DLGAP3: variants seen among roughly 807,000 people sequenced by gnomAD.
DLGAP3 encodes disks large-associated protein 3.
Under a neutral mutation model 81.2 loss-of-function variants are expected in DLGAP3, and 17 were observed. That is an observed-to-expected ratio of 0.21 (90% CI 0.14 to 0.31). The LOEUF (loss-of-function observed/expected upper bound fraction) is 0.31. DLGAP3 is among the 10% of genes least tolerant of loss of function. The pLI, the probability that DLGAP3 is intolerant of heterozygous loss-of-function variation, is 1.00. For synonymous variants in DLGAP3, 577 were observed against 587.4 expected, an observed-to-expected ratio of 0.98 and a Z score of 0.26; for missense variants, 1,124 against 1,388.0, an observed-to-expected ratio of 0.81 and a Z score of 3.02.
intron 8 of DLGAP3, among the ~76,000 whole-genome samples, chr1:34,876,594 T>C (rs778927935): frequency 6.6e-6 from 1 of 152,154 alleles, no homozygotes; most frequent in Non-Finnish European, 1.5e-5. Context: ...CAGAAAGGAC[T>C]GTGCAGGTGT....
At chr1:34,879,191 T>C (rs1639105771) in intron 8 of DLGAP3, among the ~76,000 whole-genome samples, 2 of 152,246 alleles carry the variant, frequency 1.3e-5, no homozygotes, top group Non-Finnish European at 2.9e-5. Flanking sequence ...TATTATTACA[T>C]TGTAATATAT....
chr1:34,890,585 G>A (rs1639296360), intron 5 of DLGAP3, among the ~76,000 whole-genome samples: 1 of 152,194 alleles, frequency 6.6e-6, no homozygotes, highest in Admixed American at 6.5e-5. Flanking sequence ...TTTGCTCTGG[G>A]GGAGGCAAGC....
In DLGAP3 at chr1:34,902,341, C is replaced by T. The variant is rs560337076; in HGVS notation, c.1107+1936G>A. Reference sequence around the variant, plus strand: ...ACCCACGGGCAGGAGCAGGGCTCTTCAAGGGGCTAGGGCTCATTTGGATGA... The same window carrying T: ...ACCCACGGGCAGGAGCAGGGCTCTTTAAGGGGCTAGGGCTCATTTGGATGA... On this transcript the variant is annotated intron_variant, in intron 3 of 11. Coordinates refer to ENST00000373347, the MANE Select transcript of DLGAP3 (RefSeq NM_001080418.3). This position sits in a 1 kb window ranked among gnomAD's most constrained non-coding sequence, Gnocchi z 4.4. 4.5e-4 allele frequency among the ~76,000 whole-genome samples: 68 copies of T among 152,170 alleles called. 2 individuals carry two copies. In the South Asian group the frequency reaches 0.014, roughly 32 times the overall value.
rs369393736 is a variant in DLGAP3, at chr1:34,908,031, C to T, written c.-134-594G>A. 9.8e-5 allele frequency among the ~76,000 whole-genome samples: 15 copies of T among 152,334 alleles called. No homozygotes were observed. The East Asian group carries it at 2.3e-3, about 23-fold the overall frequency. On this transcript the variant is annotated intron_variant, in intron 1 of 11. Coordinates refer to ENST00000373347, the MANE Select transcript of DLGAP3 (RefSeq NM_001080418.3). ...TCTTATTCTAGGTTATGCTCTTTAT[C>T]GGGCTTTTATAACACCCTGGGTGTC... is the stretch of plus-strand genomic sequence containing the variant.
intron 8 of DLGAP3, among the ~76,000 whole-genome samples, chr1:34,881,623 A>C (rs1639146178): frequency 6.6e-6 from 1 of 152,072 alleles, no homozygotes; most frequent in African/African-American, 2.4e-5. Context: ...AGTGAGAGAA[A>C]AATACACTTG....
At chr1:34,898,868 C>A (rs887685002) in intron 5 of DLGAP3, among the ~76,000 whole-genome samples, 5 of 152,160 alleles carry the variant, frequency 3.3e-5, no homozygotes, top group Non-Finnish European at 7.3e-5. Context: ...GGCCAAGTAC[C>A]TTGTGTTTGC....
chr1:34,885,822 G>A (rs938130502), intron 6 of DLGAP3, 31 bp from the exon 7 acceptor site: 3 of 1,392,098 alleles, frequency 2.2e-6, no homozygotes, highest in Non-Finnish European at 2.8e-6. Flanking sequence ...GACGCAGTGG[G>A]TGAGGCTCGC....
Position 34,906,516 on chromosome 1 carries a change from A to G in DLGAP3, c.-52+839T>C, listed in dbSNP as rs551283044. Among the ~76,000 whole-genome samples, 3 of 152,256 alleles carry G rather than the reference A, an allele frequency of 2.0e-5. No individual in the cohort carries two copies. The East Asian group carries it at 5.8e-4, about 29-fold the overall frequency. ...TCATTCTCCCTCCCCTGTGGACTGA[A>G]ATAAGGAGAATCTGAGATGACTCTT... On this transcript the variant is annotated intron_variant, in intron 2 of 11. Coordinates refer to ENST00000373347, the MANE Select transcript of DLGAP3 (RefSeq NM_001080418.3).
At chr1:34,877,797 T>A (rs867123548) in intron 8 of DLGAP3, among the ~76,000 whole-genome samples, 5 of 152,316 alleles carry the variant, frequency 3.3e-5, no homozygotes, top group Admixed American at 1.3e-4. Context: ...ACTACTAAAA[T>A]GTAAACTTCC....
chr1:34,921,306 G>A (rs186671193), intron 1 of DLGAP3, among the ~76,000 whole-genome samples: 1 of 152,298 alleles, frequency 6.6e-6, no homozygotes, highest in Admixed American at 6.5e-5. Context: ...GGCTGGCAAG[G>A]GTGGAAGTGG....
chr1:34,870,537 C>T (rs1009944173), intron 8 of DLGAP3, among the ~76,000 whole-genome samples: 4 of 152,184 alleles, frequency 2.6e-5, no homozygotes, highest in African/African-American at 9.7e-5. Context: ...CTCCAGCTGG[C>T]AGGCTGCCTG....
Position 34,899,088 on chromosome 1 carries a change from T to C in DLGAP3, c.1386+581A>G, listed in dbSNP as rs11577511. 9.8e-3 allele frequency among the ~76,000 whole-genome samples: 159 copies of C among 16,182 alleles called. 9 individuals carry two copies. The East Asian group carries it at 0.18, about 19-fold the overall frequency. The allele number at this position is 16,182 out of a possible 152,430, so 10.6% of individuals were successfully genotyped here. The stretch of plus-strand genomic sequence containing the variant: ...CCCTGTCTGTACAAATCAATTCTAC[T>C]TTTTTTTTTTTTTTTTTTTAAGACA... On this transcript the variant is annotated intron_variant, in intron 5 of 11. Coordinates refer to ENST00000373347, the MANE Select transcript of DLGAP3 (RefSeq NM_001080418.3).
At chr1:34,871,103 A>C (rs1235491658) in intron 8 of DLGAP3, among the ~76,000 whole-genome samples, 1 of 152,170 alleles carries the variant, frequency 6.6e-6, no homozygotes, top group Non-Finnish European at 1.5e-5. Flanking sequence ...AGACTGGAAT[A>C]GTCTTCCTAA....
At chr1:34,871,074 G>T (rs1299664134) in intron 8 of DLGAP3, among the ~76,000 whole-genome samples, 2 of 152,030 alleles carry the variant, frequency 1.3e-5, no homozygotes, top group African/African-American at 4.8e-5. Context: ...AAGATCTGGG[G>T]CCCTCCCCAG....
chr1:34,901,671 G>A (rs1193990456), intron 3 of DLGAP3, among the ~76,000 whole-genome samples: 1 of 152,190 alleles, frequency 6.6e-6, no homozygotes, highest in Non-Finnish European at 1.5e-5. Context: ...GCACTGAAAA[G>A]TAGCTTTTGA....
chr1:34,908,309 G>T (rs1172079024), intron 1 of DLGAP3, among the ~76,000 whole-genome samples: 1 of 152,246 alleles, frequency 6.6e-6, no homozygotes. Context: ...TTCAATAGAG[G>T]TCAATCAAGG....
rs115683800 is a variant in DLGAP3 at position 34,918,893 on chromosome 1, G to A, written c.-135+10558C>T. Among the ~76,000 whole-genome samples the A allele has an allele frequency of 5.1e-3, 775 of 152,284 alleles. 6 individuals are homozygous for A. The highest frequency in any genetic ancestry group is 0.018 in the African/African-American group (735 of 41,572). On this transcript the variant is annotated intron_variant, in intron 1 of 11. Coordinates refer to ENST00000373347, the MANE Select transcript of DLGAP3 (RefSeq NM_001080418.3). ...ATCTGGGGTGAAAGGAGCTAGGGCCGGGGCCAAGCTAGAGGGGTGGGGGCT... is the reference window on the plus strand; with the variant it reads ...ATCTGGGGTGAAAGGAGCTAGGGCCAGGGCCAAGCTAGAGGGGTGGGGGCT...
chr1:34,928,747 ACAGT>A (rs1639911206), intron 1 of DLGAP3, among the ~76,000 whole-genome samples: 1 of 151,748 alleles, frequency 6.6e-6, no homozygotes, highest in Admixed American at 6.6e-5. Flanking sequence ...ACACACACAC[ACAGT>A]CACACAGGGC....
chr1:34,910,953 G>T (rs1639629752), intron 1 of DLGAP3, among the ~76,000 whole-genome samples: 1 of 151,556 alleles, frequency 6.6e-6, no homozygotes, highest in East Asian at 1.9e-4. Context: ...AGTCTACAAA[G>T]AACAAGATGC....
Sources: gnomAD v4.1 joint callset for allele counts (sites outside exome capture counted in the v4.1 genomes callset) on GRCh38, gnomAD v4.1.1 for gene constraint, Gnocchi (gnomAD v3.1) non-coding constraint, MANE v1.5 for transcripts, NCBI Gene and HGNC (gene_info 2026-07-23, HGNC 2026-07-21) for gene names.